WWP2: variants seen among roughly 807,000 people sequenced by gnomAD.
The protein encoded by WWP2 is WW domain containing E3 ubiquitin protein ligase 2.
WWP2 carries 57 observed loss-of-function variants against 121.0 expected under a neutral mutation model. That is an observed-to-expected ratio of 0.47 (90% confidence interval 0.38 to 0.59). The LOEUF (loss-of-function observed/expected upper bound fraction) is 0.59, where lower values mean the gene tolerates loss of function less well. WWP2 is among the 20% of genes least tolerant of loss of function. The pLI is 0.00. For missense variants in WWP2, 962 were observed against 1,158.9 expected (o/e 0.83, Z 2.47); for synonymous variants, 449 against 441.3 (o/e 1.02, Z -0.22).
chr16:69,897,284 G>A (rs142485913), intron 8 of WWP2, among the ~76,000 whole-genome samples: 2,390 of 152,098 alleles, frequency 0.016, 26 homozygotes, highest in Middle Eastern at 0.031. Context: ...TATATTTTTT[G>A]TAGAGATGGG....
At chr16:69,849,790 A>G (rs2057166754) in intron 6 of WWP2, among the ~76,000 whole-genome samples, 2 of 151,002 alleles carry the variant, frequency 1.3e-5, no homozygotes, top group South Asian at 4.2e-4. Flanking sequence ...CCTGGACAAC[A>G]TAGGGAGACC....
chr16:69,832,312 T>C (rs915567931), intron 4 of WWP2, among the ~76,000 whole-genome samples: 4 of 148,278 alleles, frequency 2.7e-5, no homozygotes, highest in Non-Finnish European at 5.9e-5. Context: ...CTCATCTAAC[T>C]TCCCATCCCA....
At chr16:69,807,184 C>T (rs1354651656) in intron 4 of WWP2, among the ~76,000 whole-genome samples, 1 of 151,828 alleles carries the variant, frequency 6.6e-6, no homozygotes, top group Admixed American at 6.6e-5. Context: ...TACAGGCACA[C>T]GTCACCATGC....
Position 69,813,839 on chromosome 16 carries a change from G to C in WWP2, c.340+14544G>C, listed in dbSNP as rs184253814. 2.0e-3 allele frequency among the ~76,000 whole-genome samples: 297 copies of C among 152,194 alleles called. 3 individuals carry two copies. The highest frequency in any genetic ancestry group is 6.6e-3 in the African/African-American group (276 of 41,512). On this transcript the variant is annotated intron_variant, in intron 4 of 23. Coordinates refer to ENST00000359154, the MANE Select transcript of WWP2 (RefSeq NM_001270454.2). ...TGGCTGCCTCTTCAAGCTTGCTGCT[G>C]TATCTTTTCACATGTCCCCATCATA...
intron 6 of WWP2, among the ~76,000 whole-genome samples, chr16:69,868,275 C>G (rs1452194566): frequency 6.6e-6 from 1 of 152,080 alleles, no homozygotes; most frequent in Non-Finnish European, 1.5e-5. Context: ...CCCGCCCTGC[C>G]CAGCCCATCA....
intron 4 of WWP2, among the ~76,000 whole-genome samples, chr16:69,820,978 C>A (rs1049161269): frequency 6.6e-6 from 1 of 152,374 alleles, no homozygotes; most frequent in South Asian, 2.1e-4. Context: ...CAGTGTGGTG[C>A]GTGCTGCCCA....
chr16:69,840,276 C>G lies in WWP2; in HGVS notation c.478+13C>G, dbSNP rs1350119421. On this transcript the variant is annotated intron_variant, in intron 5 of 23. Transcript: ENST00000359154. ...GCCCTGACAGATGGTGAGTGCCGCC[C>G]TGCTCCTCAGGACTGTGCCGGGACA... is the stretch of plus-strand genomic sequence containing the variant. 5 of 1,613,320 alleles carry G rather than the reference C, an allele frequency of 3.1e-6. No individual in the cohort carries two copies. Among genetic ancestry groups the G allele is most frequent in the African/African-American group, 1.3e-5 (1 of 74,910 alleles).
intron 4 of WWP2, among the ~76,000 whole-genome samples, chr16:69,808,420 A>C (rs1245880259): frequency 1.3e-5 from 2 of 149,608 alleles, no homozygotes; most frequent in African/African-American, 4.9e-5. Context: ...ATTTTTTTTG[A>C]GATGGAGTTT....
chr16:69,927,615 G>A (rs2058657807), intron 11 of WWP2, among the ~76,000 whole-genome samples: 1 of 152,212 alleles, frequency 6.6e-6, no homozygotes, highest in African/African-American at 2.4e-5. Context: ...CCGCTGGACA[G>A]ATCCCCCTGG....
intron 8 of WWP2, among the ~76,000 whole-genome samples, chr16:69,895,526 G>C (rs1378212653): frequency 6.6e-6 from 1 of 152,224 alleles, no homozygotes; most frequent in Admixed American, 6.5e-5. Flanking sequence ...CACTTTGGGA[G>C]GCCGAGTCAG....
chr16:69,929,551 G>T, intron 12 of WWP2, 22 bp downstream of exon 12: 2 of 1,611,800 alleles, frequency 1.2e-6, no homozygotes, highest in Non-Finnish European at 1.7e-6. Flanking sequence ...GGCTGAGAGG[G>T]GGGCCGGGCT....
intron 1 of WWP2, among the ~76,000 whole-genome samples, chr16:69,785,118 A>C (rs548679429): frequency 4.0e-4 from 60 of 151,884 alleles, no homozygotes; most frequent in Non-Finnish European, 5.6e-4. Flanking sequence ...CTCTAATTCC[A>C]GCTACCCATG....
intron 4 of WWP2, among the ~76,000 whole-genome samples, chr16:69,815,189 G>C (rs1229568751): frequency 6.6e-6 from 1 of 152,010 alleles, no homozygotes; most frequent in Non-Finnish European, 1.5e-5. Context: ...TTTTAGTAGA[G>C]ACAGGGTTTC....
At chr16:69,897,117 T>C (rs2058117554) in intron 8 of WWP2, among the ~76,000 whole-genome samples, 1 of 152,006 alleles carries the variant, frequency 6.6e-6, no homozygotes, top group South Asian at 2.1e-4. Flanking sequence ...TTTGTGTGTT[T>C]TGTTTTTGAG....
chr16:69,930,845 C>G (rs1015365465), intron 13 of WWP2, among the ~76,000 whole-genome samples: 1 of 152,194 alleles, frequency 6.6e-6, no homozygotes, highest in Non-Finnish European at 1.5e-5. Context: ...GCACTGCAGC[C>G]TGGGTGACAG....
intron 4 of WWP2, among the ~76,000 whole-genome samples, chr16:69,808,828 A>G (rs1453368791): frequency 6.6e-6 from 1 of 152,246 alleles, no homozygotes; most frequent in African/African-American, 2.4e-5. Context: ...CAACGCTGAC[A>G]TAAACACTCT....
intron 6 of WWP2, among the ~76,000 whole-genome samples, chr16:69,851,014 T>TA: frequency 8.7e-6 from 1 of 114,742 alleles, no homozygotes; most frequent in Non-Finnish European, 1.8e-5. Flanking sequence ...TTTAATTTTT[T>TA]TTTTTTTTTT....
chr16:69,863,965 G>A (rs1233384302), intron 6 of WWP2, among the ~76,000 whole-genome samples: 1 of 152,212 alleles, frequency 6.6e-6, no homozygotes, highest in Admixed American at 6.5e-5. Context: ...TTCACCAATT[G>A]AAGGACTTGG....
At chr16:69,910,415 C>CTT (rs796675658) in intron 9 of WWP2, 156 of 749,588 alleles carry the variant, frequency 2.1e-4, no homozygotes, top group African/African-American at 1.2e-3. Context: ...TGTACTGTGG[C>CTT]TTTTTTTTTT....
Sources: allele counts gnomAD v4.1 joint callset (sites outside exome capture counted in the v4.1 genomes callset), GRCh38; gene constraint gnomAD v4.1.1; transcripts MANE v1.5; gene names NCBI Gene and HGNC (gene_info 2026-07-23, HGNC 2026-07-21).